The following PTPRD variants were observed in gnomAD, a reference collection of about 807,000 sequenced individuals.
PTPRD encodes protein tyrosine phosphatase receptor type D.
A neutral mutation model predicts 214.5 loss-of-function variants in PTPRD; 34 were observed. That is an observed-to-expected ratio of 0.16 (90% CI 0.12 to 0.21). The LOEUF (loss-of-function observed/expected upper bound fraction) is 0.21. Ranked by LOEUF, PTPRD falls within the 10% of genes least tolerant of loss-of-function variation. The probability of loss-of-function intolerance (pLI) is 1.00; values close to 1 mark genes in which losing one functional copy is unlikely to be tolerated. For synonymous variants in PTPRD, 1,128 were observed against 845.7 expected (o/e 1.33, Z -5.79); for missense variants, 2,545 against 2,398.7 (o/e 1.06, Z -1.27).
intron 11 of PTPRD, among the ~76,000 whole-genome samples, chr9:8,770,574 G>A (rs1429288973): frequency 1.3e-5 from 2 of 152,162 alleles, no homozygotes; most frequent in Non-Finnish European, 2.9e-5. Flanking sequence ...TGACTGAGAA[G>A]CTTTCACTAA....
At chr9:8,773,297 G>A (rs2095315442) in intron 11 of PTPRD, among the ~76,000 whole-genome samples, 1 of 152,132 alleles carries the variant, frequency 6.6e-6, no homozygotes, top group Admixed American at 6.6e-5. Flanking sequence ...ACTATGTCCT[G>A]CAGACTCCAG....
chr9:10,313,238 A>G (rs892184478), intron 3 of PTPRD, among the ~76,000 whole-genome samples: 1 of 152,028 alleles, frequency 6.6e-6, no homozygotes, highest in Middle Eastern at 3.4e-3. Context: ...ATAATTACAC[A>G]CAGCTTGACA....
chr9:8,678,360 C>A (rs762583138), intron 12 of PTPRD, among the ~76,000 whole-genome samples: 2 of 152,180 alleles, frequency 1.3e-5, no homozygotes, highest in Non-Finnish European at 2.9e-5. Context: ...TACCACATCA[C>A]ACTTATGTTC....
intron 11 of PTPRD, among the ~76,000 whole-genome samples, chr9:8,843,772 G>C (rs948856352): frequency 6.6e-6 from 1 of 152,090 alleles, no homozygotes; most frequent in Non-Finnish European, 1.5e-5. Flanking sequence ...AGCAAGCAAA[G>C]GGTTGGCAAG....
chr9:10,603,304 C>T (rs895320713), intron 2 of PTPRD, among the ~76,000 whole-genome samples: 4 of 151,718 alleles, frequency 2.6e-5, no homozygotes, highest in Admixed American at 2.6e-4. Flanking sequence ...GTTAGTTTTC[C>T]TTGATATGAT....
intron 3 of PTPRD, among the ~76,000 whole-genome samples, chr9:10,125,387 CTTTTTTA>C (rs961336963): frequency 6.7e-6 from 1 of 148,152 alleles, no homozygotes; most frequent in Non-Finnish European, 1.5e-5. Context: ...TTTTTATCTT[CTTTTTTA>C]TTTTTTATTT....
At chr9:8,575,683 T>A (rs1157447814) in intron 14 of PTPRD, among the ~76,000 whole-genome samples, 1 of 152,138 alleles carries the variant, frequency 6.6e-6, no homozygotes, top group Non-Finnish European at 1.5e-5. Context: ...ACAAGAAGGC[T>A]CACTTTTTGC....
intron 3 of PTPRD, among the ~76,000 whole-genome samples, chr9:10,137,781 C>A (rs1347473991): frequency 1.3e-5 from 2 of 151,204 alleles, no homozygotes; most frequent in Non-Finnish European, 2.9e-5. Flanking sequence ...ACCACTTGCA[C>A]CTGAATGGCT....
intron 9 of PTPRD, among the ~76,000 whole-genome samples, chr9:9,335,625 T>G (rs139353388): frequency 6.6e-6 from 1 of 152,220 alleles, no homozygotes; most frequent in East Asian, 1.9e-4. Context: ...TACAATAATA[T>G]GCTATTTTGA....
At chr9:10,007,722 A>G (rs1034951260) in intron 4 of PTPRD, among the ~76,000 whole-genome samples, 5 of 152,052 alleles carry the variant, frequency 3.3e-5, no homozygotes, top group African/African-American at 1.2e-4. Context: ...TAAAATGTTA[A>G]ATAAAATTGT....
At chr9:8,523,673 C>T (rs1033077394) in intron 18 of PTPRD, 149 bp from the exon 19 acceptor site, 85 of 818,748 alleles carry the variant, frequency 1.0e-4, no homozygotes, top group Non-Finnish European at 7.5e-5. Flanking sequence ...CTTCCTATCT[C>T]AGCTGGAAAA....
At chr9:8,608,469 C>G (rs896223888) in intron 14 of PTPRD, among the ~76,000 whole-genome samples, 3 of 152,044 alleles carry the variant, frequency 2.0e-5, no homozygotes, top group African/African-American at 4.8e-5. Flanking sequence ...CCCTGTTCAC[C>G]CAGCAGAGCG....
At chr9:8,461,224 T>C (rs1054707985) in intron 32 of PTPRD, among the ~76,000 whole-genome samples, 10 of 152,074 alleles carry the variant, frequency 6.6e-5, no homozygotes, top group Non-Finnish European at 1.3e-4. Flanking sequence ...ATGTACAGAA[T>C]TGATGATATG....
At chr9:9,747,462 G>C (rs1237711772) in intron 6 of PTPRD, among the ~76,000 whole-genome samples, 1 of 151,786 alleles carries the variant, frequency 6.6e-6, no homozygotes, top group African/African-American at 2.4e-5. Flanking sequence ...AACTGGGGCT[G>C]AAAATTAAAT....
rs1418349642 is a variant in PTPRD, at chr9:10,511,952, GTGTA to G, written c.-600+100442_-600+100445del. Among the ~76,000 whole-genome samples the G allele has an allele frequency of 2.0e-4, 15 of 76,560 alleles. 1 individual carries two copies. The highest frequency in any genetic ancestry group is 3.9e-4 in the African/African-American group (8 of 20,694). The allele number at this position is 76,560 out of a possible 152,430, so 50.2% of individuals were successfully genotyped here. ...TATACGTGTATATATATATACGTGT[GTGTA>G]TATATATATACGTGTGTGTGTATAT... is the stretch of plus-strand genomic sequence containing the variant. On this transcript the variant is annotated intron_variant, in intron 2 of 45. Transcript: ENST00000381196.
At chr9:9,171,318 G>A (rs1012123694) in intron 10 of PTPRD, among the ~76,000 whole-genome samples, 56 of 150,828 alleles carry the variant, frequency 3.7e-4, no homozygotes, top group African/African-American at 1.4e-3. Context: ...ATGGGATGGA[G>A]TATTGCTAAT....
chr9:9,911,852 C>T (rs2079283277), intron 5 of PTPRD, among the ~76,000 whole-genome samples: 2 of 152,118 alleles, frequency 1.3e-5, no homozygotes, highest in African/African-American at 2.4e-5. Context: ...AATAAAACCA[C>T]ATTTGGAAAA....
chr9:10,225,667 A>G (rs1227740357), intron 3 of PTPRD, among the ~76,000 whole-genome samples: 1 of 152,076 alleles, frequency 6.6e-6, no homozygotes, highest in Admixed American at 6.6e-5. Context: ...CAGTCTAGGA[A>G]CAAGAAAAGT....
intron 5 of PTPRD, among the ~76,000 whole-genome samples, chr9:9,783,941 G>T (rs2098891776): frequency 6.6e-6 from 1 of 151,458 alleles, no homozygotes; most frequent in Non-Finnish European, 1.5e-5. Context: ...AAAGCCATAG[G>T]TTAGCTGCAA....
Sources: gnomAD v4.1 joint callset for allele counts (sites outside exome capture counted in the v4.1 genomes callset) on GRCh38, gnomAD v4.1.1 for gene constraint, MANE v1.5 for transcripts, NCBI Gene and HGNC (gene_info 2026-07-23, HGNC 2026-07-21) for gene names.